RGSL1: variants seen among roughly 807,000 people sequenced by gnomAD.
RGSL1 encodes regulator of G protein signaling like 1, also known as regulator of G protein signaling protein-like.
A neutral mutation model predicts 124.7 loss-of-function variants in RGSL1; 97 were observed. That is an observed-to-expected ratio of 0.78 (90% CI 0.66 to 0.92). The LOEUF is 0.92. Ranked by LOEUF, RGSL1 falls within the 40% of genes least tolerant of loss-of-function variation. The pLI, the probability that RGSL1 is intolerant of heterozygous loss-of-function variation, is 0.00. For synonymous variants in RGSL1, 424 were observed against 438.1 expected, an observed-to-expected ratio of 0.97 and a Z score of 0.40; for missense variants, 1,233 against 1,288.4, an observed-to-expected ratio of 0.96 and a Z score of 0.66.
intron 10 of RGSL1, among the ~76,000 whole-genome samples, chr1:182,523,531 T>A (rs889917500): frequency 2.6e-5 from 4 of 152,188 alleles, no homozygotes; most frequent in Non-Finnish European, 5.9e-5. Context: ...ATTTTCCAAT[T>A]TACTTAAGCA....
intron 4 of RGSL1, chr1:182,471,338 G>A (rs61759906): frequency 3.3e-5 from 15 of 457,364 alleles, no homozygotes; most frequent in Non-Finnish European, 4.4e-5. Flanking sequence ...ATGCATTGGC[G>A]GGGTCAGAGG....
chr1:182,455,292 T>C (rs996258430), intron 2 of RGSL1, among the ~76,000 whole-genome samples: 6 of 151,996 alleles, frequency 3.9e-5, no homozygotes, highest in Non-Finnish European at 8.8e-5. Context: ...CATAAAGAAA[T>C]AGGAGGAGGC....
At chr1:182,466,673 T>A (rs1558244280) in intron 4 of RGSL1, among the ~76,000 whole-genome samples, 1 of 152,116 alleles carries the variant, frequency 6.6e-6, no homozygotes, top group African/African-American at 2.4e-5. Flanking sequence ...TGAAAGAAAT[T>A]AAAGAAGACA....
intron 7 of RGSL1, chr1:182,488,746 A>G: frequency 2.5e-6 from 1 of 407,816 alleles, no homozygotes. Context: ...AAAAAAAAAA[A>G]AAGATGACTT....
At position 182,460,650 on chromosome 1, in the gene RGSL1, A is replaced by G. The variant is rs148782865; in HGVS notation, c.301+517A>G. The G allele has an allele frequency of 8.7e-4, 395 of 456,024 alleles. 3 individuals are homozygous for G. The East Asian group carries it at 0.023, about 26-fold the overall frequency. The allele number at this position is 456,024 out of a possible 1,614,324, so 28.2% of individuals were successfully genotyped here. A position where few individuals can be genotyped will look rare whatever the true frequency, so the allele number is the denominator to read the frequency against. ...AGCCAGAGTGAGCCTCTTAAAAAGT[A>G]ATTGGTGGTGGTGCTGGAGGGACTC... On this transcript the variant is annotated intron_variant, in intron 4 of 21. Coordinates refer to ENST00000294854, the MANE Select transcript of RGSL1 (RefSeq NM_001137669.2).
At chr1:182,458,533 G>A (rs777127764) in intron 3 of RGSL1, 140 bp downstream of exon 3, 80 of 691,014 alleles carry the variant, frequency 1.2e-4, no homozygotes, top group Middle Eastern at 7.4e-4. Context: ...GCGGTGATGC[G>A]ATCTTAGCTC....
intron 9 of RGSL1, among the ~76,000 whole-genome samples, chr1:182,496,388 T>C (rs562474979): frequency 6.6e-6 from 1 of 152,150 alleles, no homozygotes; most frequent in South Asian, 2.1e-4. Context: ...CCATATCGGA[T>C]GGGTAGGTCT....
chr1:182,488,777 A>G, intron 7 of RGSL1: 1 of 500,754 alleles, frequency 2.0e-6, no homozygotes, highest in Non-Finnish European at 3.5e-6. Flanking sequence ...ACAACCACAG[A>G]AAATTTCTTC....
At chr1:182,462,113 G>C (rs1250040287) in intron 4 of RGSL1, among the ~76,000 whole-genome samples, 1 of 152,088 alleles carries the variant, frequency 6.6e-6, no homozygotes, top group Admixed American at 6.6e-5. Flanking sequence ...AAAACAGTAA[G>C]AGAGAGAAAT....
intron 8 of RGSL1, among the ~76,000 whole-genome samples, chr1:182,491,831 GA>G (rs138815889): frequency 0.022 from 3,346 of 152,228 alleles, 118 homozygotes; most frequent in African/African-American, 0.074. Flanking sequence ...CTAAATCCCA[GA>G]ACTCACAACC....
At chr1:182,486,310 A>AT (rs544790840) in intron 6 of RGSL1, among the ~76,000 whole-genome samples, 2,953 of 137,740 alleles carry the variant, frequency 0.021, 48 homozygotes, top group South Asian at 0.043. Context: ...TAGAGTCATA[A>AT]TTTTTTTTTT....
At chr1:182,498,019 A>G (rs1656059132) in intron 9 of RGSL1, among the ~76,000 whole-genome samples, 1 of 152,068 alleles carries the variant, frequency 6.6e-6, no homozygotes, top group Non-Finnish European at 1.5e-5. Context: ...CTTCCCTTTG[A>G]TCATTTGGTT....
intron 4 of RGSL1, among the ~76,000 whole-genome samples, chr1:182,470,214 C>T (rs1221586679): frequency 6.6e-6 from 1 of 152,084 alleles, no homozygotes; most frequent in Non-Finnish European, 1.5e-5. Context: ...AAATGTATTT[C>T]AGATCATATT....
chr1:182,471,431 G>T (rs1178039291), intron 4 of RGSL1: 1 of 453,490 alleles, frequency 2.2e-6, no homozygotes, highest in Admixed American at 2.4e-5. Context: ...AGTTCCTAAT[G>T]GTTTTCAGAT....
chr1:182,560,183 G>C (rs913153328), intron 21 of RGSL1, 96 bp from the exon 22 acceptor site: 1 of 152,134 alleles, frequency 6.6e-6, no homozygotes, highest in African/African-American at 2.4e-5. Context: ...CAGTTGTGAC[G>C]ACCACCATAA....
chr1:182,488,431 T>A, intron 7 of RGSL1, 84 bp downstream of exon 7: 1 of 1,248,788 alleles, frequency 8.0e-7, no homozygotes, highest in Non-Finnish European at 1.1e-6. Context: ...GGTTATGTGT[T>A]AAAGTAAATG....
chr1:182,551,194 C>G lies in RGSL1; in HGVS notation c.3028C>G (p.Pro1010Ala), dbSNP rs1198790599. 1 of 1,551,070 alleles carries G rather than the reference C, an allele frequency of 6.4e-7. No individual in the cohort carries two copies. The highest frequency in any genetic ancestry group is 1.4e-5 in the African/African-American group (1 of 73,138). ...KSPPKSTDKY[P>A]FSSGGDNAIL... is the part of the protein sequence containing the mutation. ...CCCTCCTAAATCTACGGACAAGTAT[C>G]CTTTCTCGAGTGGAGGTAAGCTCCA... Residue 1010 changes from proline to alanine, a missense_variant, in exon 18 of 22, where the codon CCT becomes GCT. Pro to Ala is a conservative substitution (Grantham distance 27). Transcript: ENST00000294854.
intron 6 of RGSL1, among the ~76,000 whole-genome samples, chr1:182,485,699 A>G (rs763008434): frequency 1.3e-5 from 2 of 152,152 alleles, no homozygotes; most frequent in Admixed American, 6.5e-5. Context: ...CAGTGTCCAG[A>G]TTCCTGCTCA....
At chr1:182,549,056 C>G (rs746480045) in intron 17 of RGSL1, 1 of 434,762 alleles carries the variant, frequency 2.3e-6, no homozygotes, top group Non-Finnish European at 4.1e-6. Context: ...CCTGGTTTCC[C>G]ACCCCTCCTC....
Sources: gnomAD v4.1 joint callset for allele counts (sites outside exome capture counted in the v4.1 genomes callset) on GRCh38, gnomAD v4.1.1 for gene constraint, MANE v1.5 for transcripts, NCBI Gene and HGNC (gene_info 2026-07-23, HGNC 2026-07-21) for gene names.